The following GINS2 variants were observed in gnomAD, a reference collection of about 807,000 sequenced individuals.
The protein encoded by GINS2 is DNA replication complex GINS protein PSF2.
A neutral mutation model predicts 21.2 loss-of-function variants in GINS2; 23 were observed. The ratio of observed to expected loss-of-function variants is 1.08; its 90% CI spans 0.78 to 1.53. GINS2 has a LOEUF of 1.53. GINS2 is among the 40% of genes most tolerant of loss of function. The pLI, the probability that GINS2 is intolerant of heterozygous loss-of-function variation, is 0.00. For missense variants in GINS2, 323 were observed against 233.9 expected, an observed-to-expected ratio of 1.38 and a Z score of -2.49; for synonymous variants, 118 against 85.6, an observed-to-expected ratio of 1.38 and a Z score of -2.09.
At position 85,687,482 on chromosome 16, in the gene GINS2, G is replaced by C; in HGVS notation, c.183C>G (p.Leu61=). The C allele has an allele frequency of 6.3e-7, 1 of 1,583,574 alleles. No individual in the cohort carries two copies. The highest frequency in any genetic ancestry group is 8.6e-7 in the Non-Finnish European group (1 of 1,166,682). The part of the protein sequence containing the change: ...NLKQRQKCRL[L]PPEWMDVEKL... ...TACCTACATCCATCCACTCTGGAGG[G>C]AGCAGGCGACATTTCTGTCTTTGTT... The change falls in exon 2 of 5, where the codon CTC becomes CTG. Residue 61 remains leucine (L), a synonymous_variant. Transcript: ENST00000253462.
intron 2 of GINS2, among the ~76,000 whole-genome samples, chr16:85,686,942 T>C (rs570054106): frequency 2.6e-5 from 4 of 152,390 alleles, no homozygotes; most frequent in Admixed American, 1.3e-4. Context: ...CATTAAAATA[T>C]AGGCTGGGCA....
At chr16:85,683,563 G>A (rs1283485434) in intron 2 of GINS2, among the ~76,000 whole-genome samples, 1 of 152,178 alleles carries the variant, frequency 6.6e-6, no homozygotes, top group South Asian at 2.1e-4. Flanking sequence ...TGGGCCTCCA[G>A]CCAAGAGCCT....
chr16:85,678,402 A>G lies in GINS2; in HGVS notation c.433-65T>C. 4 of 1,583,046 alleles carry G rather than the reference A, an allele frequency of 2.5e-6. No individual in the cohort carries two copies. In the South Asian group the frequency reaches 4.5e-5, roughly 18 times the overall value. ...TGATTTTGAGAAAAAGGTAAACTCTACTGAATAAAAATAAGAAACCAATGA... is the reference window on the plus strand; with the variant it reads ...TGATTTTGAGAAAAAGGTAAACTCTGCTGAATAAAAATAAGAAACCAATGA... On this transcript the variant is annotated intron_variant, in intron 4 of 4. Coordinates refer to ENST00000253462, the MANE Select transcript of GINS2 (RefSeq NM_016095.3).
At chr16:85,682,973 C>A (rs760781474) in intron 2 of GINS2, among the ~76,000 whole-genome samples, 4 of 152,096 alleles carry the variant, frequency 2.6e-5, no homozygotes, top group Non-Finnish European at 4.4e-5. Context: ...TCTCACCTGA[C>A]ACCCAGCTGA....
At chr16:85,687,819 G>C (rs915133839) in intron 1 of GINS2, 1 of 371,670 alleles carries the variant, frequency 2.7e-6, no homozygotes, top group Non-Finnish European at 4.8e-6. Context: ...CCCTGAGTGG[G>C]TGGGGGGCGC....
Position 85,678,351 on chromosome 16 carries a change from A to G in GINS2, c.433-14T>C, listed in dbSNP as rs770137320. The stretch of plus-strand genomic sequence containing the variant: ...CAAGTTATCCAGCTAAAGCAAGAAA[A>G]CAGACCAAGTTGGCCAAGGAGTTTT... On this transcript the variant is annotated splice_polypyrimidine_tract_variant and intron_variant, in intron 4 of 4. Transcript: ENST00000253462. 6.2e-7 allele frequency: 1 copy of G among 1,613,506 alleles called. No individual in the cohort carries two copies. The highest frequency in any genetic ancestry group is 8.5e-7 in the Non-Finnish European group (1 of 1,179,756).
intron 2 of GINS2, among the ~76,000 whole-genome samples, chr16:85,681,950 G>C (rs756809682): frequency 6.7e-6 from 1 of 149,414 alleles, no homozygotes; most frequent in Non-Finnish European, 1.5e-5. Context: ...TCAAAAGTTT[G>C]ATGTTTGTTG....
At position 85,681,775 on chromosome 16, in the gene GINS2, A is replaced by G. The variant is rs2053735458; in HGVS notation, c.206-94T>C. 3 of 717,316 alleles carry G rather than the reference A, an allele frequency of 4.2e-6. No individual in the cohort carries two copies. The East Asian group carries it at 8.1e-5, about 19-fold the overall frequency. The allele number at this position is 717,316 out of a possible 1,614,324, so 44.4% of individuals were successfully genotyped here. A position where few individuals can be genotyped will look rare whatever the true frequency, so the allele number is the denominator to read the frequency against. ...ACCAAGTGCCTATATTATCTGGCAA[A>G]TACATTATCAACTAGCAAATACATG... On this transcript the variant is annotated intron_variant, in intron 2 of 4. Transcript: ENST00000253462.
intron 2 of GINS2, among the ~76,000 whole-genome samples, chr16:85,684,427 G>A (rs765071840): frequency 7.9e-5 from 12 of 152,248 alleles, no homozygotes; most frequent in Non-Finnish European, 1.3e-4. Context: ...CCCAGGAGTT[G>A]GAGGCTGCAA....
At chr16:85,688,280 G>A (rs908944177) in intron 1 of GINS2, among the ~76,000 whole-genome samples, 2 of 151,950 alleles carry the variant, frequency 1.3e-5, no homozygotes, top group African/African-American at 4.8e-5. Context: ...GGGCGCAGTG[G>A]CTCCCGCCTG....
chr16:85,682,709 G>C (rs796312883), intron 2 of GINS2, among the ~76,000 whole-genome samples: 3 of 152,160 alleles, frequency 2.0e-5, no homozygotes, highest in Non-Finnish European at 4.4e-5. Context: ...AATTCCACCA[G>C]CATCAGCACT....
intron 3 of GINS2, among the ~76,000 whole-genome samples, chr16:85,678,961 T>A (rs573310939): frequency 2.6e-5 from 4 of 152,328 alleles, no homozygotes; most frequent in South Asian, 2.1e-4. Flanking sequence ...AGCCTCTGTC[T>A]CAGGATAACA....
At chr16:85,685,796 T>A (rs754605780) in intron 2 of GINS2, among the ~76,000 whole-genome samples, 63 of 151,732 alleles carry the variant, frequency 4.2e-4, no homozygotes, top group Non-Finnish European at 8.5e-4. Flanking sequence ...AAGCAGTCTG[T>A]CTTAAACGGA....
chr16:85,688,788 C>G (rs1179982551), intron 1 of GINS2, 21 bp downstream of exon 1: 4 of 1,463,354 alleles, frequency 2.7e-6, no homozygotes, highest in South Asian at 2.6e-5. Flanking sequence ...CTCCCCTCCC[C>G]ACGGCGGGCC....
chr16:85,685,175 A>T (rs2053764285), intron 2 of GINS2, among the ~76,000 whole-genome samples: 2 of 152,178 alleles, frequency 1.3e-5, no homozygotes, highest in Non-Finnish European at 2.9e-5. Flanking sequence ...ATGGTGCCTC[A>T]CTGTTCCCAC....
At chr16:85,679,861 C>T (rs760506616) in intron 3 of GINS2, among the ~76,000 whole-genome samples, 10 of 152,224 alleles carry the variant, frequency 6.6e-5, no homozygotes, top group Non-Finnish European at 1.5e-4. Context: ...GGGCTGGCCA[C>T]TGCAGCAGAA....
chr16:85,688,666 G>A, intron 1 of GINS2, 143 bp downstream of exon 1: 1 of 438,320 alleles, frequency 2.3e-6, no homozygotes, highest in Non-Finnish European at 4.0e-6. Flanking sequence ...AGCGGGAACG[G>A]CGGTGAGCGA....
chr16:85,678,678 A>C lies in GINS2; in HGVS notation c.306-12T>G. On this transcript the variant is annotated splice_polypyrimidine_tract_variant and intron_variant, in intron 3 of 4. Transcript: ENST00000253462. ...TGTTGTCTGAAGCACTAAAGGAGCA[A>C]GGGCTAAAGTCAGTCGGGGAACACT... 2 of 1,612,804 alleles carry C rather than the reference A, an allele frequency of 1.2e-6. No individual in the cohort carries two copies. Among genetic ancestry groups the C allele is most frequent in the Non-Finnish European group, 1.7e-6 (2 of 1,179,372 alleles).
rs1029269599 is a variant in GINS2 at position 85,676,979 on chromosome 16, C to G, written c.*1233G>C. The G allele has an allele frequency of 6.6e-6, 1 of 152,260 alleles. No homozygotes were observed. The highest frequency in any genetic ancestry group is 1.5e-5 in the Non-Finnish European group (1 of 68,114). The allele number at this position is 152,260 out of a possible 1,614,324, so 9.4% of individuals were successfully genotyped here. ...TCTCGGGTTCAAGCGATTCTCCTGC[C>G]TCAGCCTCCCGAGTAGCTGCGACTA... On this transcript the variant is annotated 3_prime_UTR_variant, in exon 5 of 5. Transcript: ENST00000253462.
Sources: allele counts gnomAD v4.1 joint callset (sites outside exome capture counted in the v4.1 genomes callset), GRCh38; gene constraint gnomAD v4.1.1; transcripts MANE v1.5; gene names NCBI Gene and HGNC (gene_info 2026-07-23, HGNC 2026-07-21).